Variants in DOK5 observed in about 807,000 individuals in gnomAD.
DOK5 encodes docking protein 5.
DOK5 carries 27 observed loss-of-function variants against 43.3 expected under a neutral mutation model. The ratio of observed to expected loss-of-function variants is 0.62; its 90% CI spans 0.46 to 0.86. DOK5 has a LOEUF of 0.86. Among genes scored for constraint, DOK5 ranks in the 40% least tolerant of loss-of-function variants. DOK5 has a pLI of 0.00. For missense variants in DOK5, 373 were observed against 392.9 expected, an observed-to-expected ratio of 0.95 and a Z score of 0.43; for synonymous variants, 146 against 140.1, an observed-to-expected ratio of 1.04 and a Z score of -0.30.
intron 1 of DOK5, among the ~76,000 whole-genome samples, chr20:54,545,744 A>T (rs1905905537): frequency 6.6e-6 from 1 of 152,246 alleles, no homozygotes; most frequent in South Asian, 2.1e-4. Context: ...GCTAGGATAC[A>T]TGGAGTCCTG....
intron 2 of DOK5, among the ~76,000 whole-genome samples, chr20:54,572,612 A>G (rs963965556): frequency 1.3e-5 from 2 of 152,224 alleles, no homozygotes; most frequent in Non-Finnish European, 2.9e-5. Flanking sequence ...TGCCGCTATT[A>G]TTGTTATTAT....
At chr20:54,498,092 G>A (rs969616140) in intron 1 of DOK5, among the ~76,000 whole-genome samples, 1 of 151,966 alleles carries the variant, frequency 6.6e-6, no homozygotes, top group African/African-American at 2.4e-5. Context: ...TGTATCTTTT[G>A]GGACCTTGGA....
intron 1 of DOK5, among the ~76,000 whole-genome samples, chr20:54,490,827 A>T (rs1291226828): frequency 1.3e-5 from 2 of 152,058 alleles, no homozygotes. Flanking sequence ...TGACCTTGTG[A>T]TCCGCCCACC....
chr20:54,537,762 G>T (rs914527349), intron 1 of DOK5, among the ~76,000 whole-genome samples: 1 of 151,710 alleles, frequency 6.6e-6, no homozygotes, highest in Non-Finnish European at 1.5e-5. Flanking sequence ...GAAAAGTGTG[G>T]AAGTCCTCAT....
intron 1 of DOK5, among the ~76,000 whole-genome samples, chr20:54,534,333 G>A (rs1226843268): frequency 6.6e-6 from 1 of 152,032 alleles, no homozygotes; most frequent in African/African-American, 2.4e-5. Flanking sequence ...GACTACAGGC[G>A]CACGCCACCA....
At chr20:54,560,674 G>T (rs1389913001) in intron 2 of DOK5, among the ~76,000 whole-genome samples, 1 of 152,054 alleles carries the variant, frequency 6.6e-6, no homozygotes, top group Non-Finnish European at 1.5e-5. Flanking sequence ...AGGCTGGAGC[G>T]CAATGGCACG....
intron 6 of DOK5, among the ~76,000 whole-genome samples, chr20:54,622,818 AAAG>A (rs1216557174): frequency 2.0e-5 from 3 of 152,146 alleles, no homozygotes; most frequent in African/African-American, 7.2e-5. Context: ...CGAGCATGGC[AAAG>A]AAGAGAGAGA....
rs551011158 is a variant in DOK5, at chr20:54,637,737, G to A, written c.736-5721G>A. Among the ~76,000 whole-genome samples, 4 of 152,274 alleles carry A rather than the reference G, an allele frequency of 2.6e-5. No homozygotes were observed. In the South Asian group the frequency reaches 8.3e-4, roughly 32 times the overall value. Reference sequence around the variant, plus strand: ...TTTCTGCTACTTAGGCAAATCCTGGGTTCATTCATTCATTCATTCATTCAT... The same window carrying A: ...TTTCTGCTACTTAGGCAAATCCTGGATTCATTCATTCATTCATTCATTCAT... On this transcript the variant is annotated intron_variant, in intron 6 of 7. Transcript: ENST00000262593.
chr20:54,582,830 A>C (rs2146760412), intron 2 of DOK5, among the ~76,000 whole-genome samples: 1 of 151,978 alleles, frequency 6.6e-6, no homozygotes. Flanking sequence ...TCTTGGTTTC[A>C]CTGGTTTTTC....
At chr20:54,552,193 G>A (rs748885759) in intron 1 of DOK5, among the ~76,000 whole-genome samples, 10 of 152,052 alleles carry the variant, frequency 6.6e-5, no homozygotes, top group Admixed American at 3.3e-4. Flanking sequence ...CTATTCTCAC[G>A]ATCCAGAGAA....
intron 1 of DOK5, among the ~76,000 whole-genome samples, chr20:54,479,839 C>T (rs879912063): frequency 7.9e-5 from 12 of 152,160 alleles, no homozygotes; most frequent in Admixed American, 5.2e-4. Context: ...ATTTTGGTTG[C>T]GAAGGTAAAA....
At chr20:54,615,419 T>C (rs1008347490) in intron 6 of DOK5, among the ~76,000 whole-genome samples, 3 of 151,972 alleles carry the variant, frequency 2.0e-5, no homozygotes, top group African/African-American at 7.3e-5. Context: ...TCTATCCAGG[T>C]GGGTCGAATA....
chr20:54,620,211 A>G (rs770695587), intron 6 of DOK5, among the ~76,000 whole-genome samples: 1 of 152,182 alleles, frequency 6.6e-6, no homozygotes, highest in African/African-American at 2.4e-5. Flanking sequence ...AATATATAAT[A>G]AAGCATAATT....
chr20:54,535,400 T>TA (rs1483229137), intron 1 of DOK5, among the ~76,000 whole-genome samples: 3 of 152,176 alleles, frequency 2.0e-5, no homozygotes, highest in Non-Finnish European at 4.4e-5. Context: ...AAATGTCTTT[T>TA]ACTGAATGTT....
rs1460676987 is a variant in DOK5 at position 54,510,093 on chromosome 20, A to G, written c.66+34081A>G. ...TGTAACAAACCTGCACATCCTGCAC[A>G]TGTACCGCAGAACTAAAAATAAGAA... On this transcript the variant is annotated intron_variant, in intron 1 of 7. Transcript: ENST00000262593. Among the ~76,000 whole-genome samples, 4 of 152,182 alleles carry G rather than the reference A, an allele frequency of 2.6e-5. No homozygotes were observed. In the East Asian group the frequency reaches 7.7e-4, roughly 29 times the overall value.
chr20:54,609,983 C>T (rs1986592003), intron 5 of DOK5, among the ~76,000 whole-genome samples: 1 of 152,198 alleles, frequency 6.6e-6, no homozygotes, highest in Non-Finnish European at 1.5e-5. Flanking sequence ...CTTTCTGTCT[C>T]TCTGCGCTGG....
intron 5 of DOK5, among the ~76,000 whole-genome samples, chr20:54,609,654 T>C (rs571878200): frequency 2.0e-5 from 3 of 152,158 alleles, no homozygotes; most frequent in Non-Finnish European, 4.4e-5. Flanking sequence ...GTTTCTTGCC[T>C]AATTGTGTGT....
intron 5 of DOK5, among the ~76,000 whole-genome samples, chr20:54,601,862 A>G (rs1462186400): frequency 6.6e-6 from 1 of 152,188 alleles, no homozygotes; most frequent in Non-Finnish European, 1.5e-5. Flanking sequence ...GTTTTTCTTT[A>G]ATTAAAGCTG....
intron 2 of DOK5, among the ~76,000 whole-genome samples, chr20:54,583,946 A>T (rs542307151): frequency 6.6e-6 from 1 of 151,528 alleles, no homozygotes; most frequent in South Asian, 2.1e-4. Flanking sequence ...GGATCACTTG[A>T]GGTCCCAACA....
Sources: allele counts gnomAD v4.1 joint callset (sites outside exome capture counted in the v4.1 genomes callset), GRCh38; gene constraint gnomAD v4.1.1; transcripts MANE v1.5; gene names NCBI Gene and HGNC (gene_info 2026-07-23, HGNC 2026-07-21).